FIG4: variants seen among roughly 807,000 people sequenced by gnomAD.
FIG4 encodes the protein polyphosphoinositide phosphatase.
Under a neutral mutation model 118.6 loss-of-function variants are expected in FIG4, and 112 were observed. The ratio of observed to expected loss-of-function variants is 0.94; its 90% confidence interval spans 0.81 to 1.11. The LOEUF (loss-of-function observed/expected upper bound fraction) is 1.11, where lower values mean the gene tolerates loss of function less well. Among genes scored for constraint, FIG4 ranks in the 50% least tolerant of loss-of-function variants. The pLI is 0.00. For missense variants in FIG4, 969 were observed against 1,111.7 expected (o/e 0.87, Z 1.83); for synonymous variants, 369 against 381.2 (o/e 0.97, Z 0.37).
chr6:109,796,620 CT>C (rs1778294229), intron 21 of FIG4, 144 bp from the exon 22 acceptor site: 1 of 694,100 alleles, frequency 1.4e-6, no homozygotes, highest in South Asian at 1.6e-5. Flanking sequence ...CAGGCAAAGT[CT>C]TATGTTACAT....
intron 22 of FIG4, among the ~76,000 whole-genome samples, chr6:109,819,700 C>A (rs1055018219): frequency 9.9e-5 from 15 of 152,098 alleles, no homozygotes; most frequent in Non-Finnish European, 2.9e-5. Flanking sequence ...AACTCCTGAC[C>A]TCAGGTGATC....
At chr6:109,707,657 C>T (rs920425686) in intron 1 of FIG4, among the ~76,000 whole-genome samples, 7 of 151,826 alleles carry the variant, frequency 4.6e-5, no homozygotes, top group South Asian at 2.1e-4. Flanking sequence ...ATCTTTCCTG[C>T]GCTGATTTCC....
chr6:109,815,496 C>CCT (rs1778836592), intron 22 of FIG4, among the ~76,000 whole-genome samples: 1 of 106,490 alleles, frequency 9.4e-6, no homozygotes. Context: ...CTCCAGGCTG[C>CCT]CCCCCCCACC....
intron 10 of FIG4, among the ~76,000 whole-genome samples, chr6:109,755,942 C>T (rs534586363): frequency 2.2e-4 from 34 of 152,168 alleles, no homozygotes; most frequent in African/African-American, 4.8e-4. Flanking sequence ...TTACATTTAA[C>T]GTTAATATTG....
intron 22 of FIG4, among the ~76,000 whole-genome samples, chr6:109,807,528 T>C (rs144509668): frequency 0.052 from 7,966 of 152,276 alleles, 381 homozygotes; most frequent in East Asian, 0.17. Context: ...GATGGATAGA[T>C]TGCAAAACTT....
chr6:109,766,048 AC>A (rs1393385676), intron 14 of FIG4, among the ~76,000 whole-genome samples: 1 of 152,104 alleles, frequency 6.6e-6, no homozygotes, highest in Admixed American at 6.6e-5. Context: ...TGAAACCCTA[AC>A]CCCCAAATGG....
At chr6:109,820,474 C>T (rs538710129) in intron 22 of FIG4, among the ~76,000 whole-genome samples, 6 of 152,210 alleles carry the variant, frequency 3.9e-5, no homozygotes, top group South Asian at 2.1e-4. Flanking sequence ...TATGCGTTGT[C>T]TCTGAAGGGA....
Position 109,743,680 on chromosome 6 carries a change from C to G in FIG4, c.1045C>G (p.Gln349Glu). Residue 349 changes from glutamine (Q) to glutamate (E), a missense_variant, in exon 10 of 23, where the codon CAG (glutamine) becomes GAG (glutamate). Coordinates refer to ENST00000230124, the MANE Select transcript of FIG4 (RefSeq NM_014845.6). Reference protein sequence around the residue: ...MMPKPPITLDQADPFAHVAAL... With the variant: ...MMPKPPITLDEADPFAHVAAL... ...TCATCTTTTTTCCTTCTCAGTGGAT[C>G]AGGCAGATCCATTTGCACATGTGGC... 6.2e-7 allele frequency: 1 copy of G among 1,611,078 alleles called. No homozygotes were observed. The highest frequency in any genetic ancestry group is 8.5e-7 in the Non-Finnish European group (1 of 1,177,912).
Position 109,716,530 on chromosome 6 carries a change from C to T in FIG4, c.251C>T (p.Ser84Leu), listed in dbSNP as rs768384237. ...NRTKMGQKGSSGLFRAVSAFG... is the reference protein window; with the variant it reads ...NRTKMGQKGSLGLFRAVSAFG... The stretch of plus-strand genomic sequence containing the variant: ...ACAAAGATGGGACAGAAAGGATCCT[C>T]GGGCTTATTTCGAGCGGTTTCAGCT... Residue 84 changes from serine to leucine, a missense_variant, in exon 3 of 23, where the codon TCG becomes TTG. Around this residue, in one of 3 missense-constraint regions of FIG4, gnomAD observed 393 missense variants for 409.4 expected, o/e 0.96. Coordinates refer to ENST00000230124, the MANE Select transcript of FIG4 (RefSeq NM_014845.6). The T allele has an allele frequency of 2.9e-5, 46 of 1,613,810 alleles. No individual in the cohort carries two copies. The highest frequency in any genetic ancestry group is 3.6e-5 in the Non-Finnish European group (43 of 1,179,886).
chr6:109,792,597 A>G lies in FIG4; in HGVS notation c.2392A>G (p.Met798Val). Residue 798 changes from methionine to valine, a missense_variant, in exon 21 of 23, where the codon ATG becomes GTG. Met to Val is a conservative substitution (Grantham distance 21, BLOSUM62 1). This residue lies in a region of FIG4 where 330 missense variants were observed against 348.1 expected (regional missense o/e 0.95). Coordinates refer to ENST00000230124, the MANE Select transcript of FIG4 (RefSeq NM_014845.6). ...AKVTENVVQP[M>V]KELYGINLSD... is the part of the protein sequence containing the mutation. ...TAAACCCCAGAATGTGGTCCAACCCATGAAGGAGCTATATGGAATTAACCT... is the reference window on the plus strand; with the variant it reads ...TAAACCCCAGAATGTGGTCCAACCCGTGAAGGAGCTATATGGAATTAACCT... The G allele has an allele frequency of 1.2e-6, 2 of 1,602,320 alleles. No individual in the cohort carries two copies. Among genetic ancestry groups the G allele is most frequent in the African/African-American group, 1.3e-5 (1 of 74,698 alleles).
chr6:109,702,129 G>A (rs1774927359), intron 1 of FIG4, among the ~76,000 whole-genome samples: 1 of 152,120 alleles, frequency 6.6e-6, no homozygotes, highest in Admixed American at 6.5e-5. Flanking sequence ...TGAAAGTTCA[G>A]GTGAAGTTTA....
intron 10 of FIG4, among the ~76,000 whole-genome samples, chr6:109,752,539 T>C (rs1776741869): frequency 6.6e-6 from 1 of 152,158 alleles, no homozygotes; most frequent in Non-Finnish European, 1.5e-5. Context: ...TTCTAACTGG[T>C]GTGAGATGGT....
At chr6:109,824,228 G>A (rs1028464598) in intron 22 of FIG4, among the ~76,000 whole-genome samples, 4 of 152,204 alleles carry the variant, frequency 2.6e-5, no homozygotes, top group Non-Finnish European at 4.4e-5. Context: ...CAAATTACCC[G>A]AGAAAGGAAG....
chr6:109,704,025 A>G (rs558243798), intron 1 of FIG4, among the ~76,000 whole-genome samples: 1 of 152,054 alleles, frequency 6.6e-6, no homozygotes, highest in Non-Finnish European at 1.5e-5. Context: ...ATACATGCTG[A>G]TGGCACCCAC....
chr6:109,775,735 C>T (rs1333621226), intron 15 of FIG4, among the ~76,000 whole-genome samples: 2 of 152,014 alleles, frequency 1.3e-5, no homozygotes, highest in Admixed American at 6.6e-5. Flanking sequence ...TAAACATGTC[C>T]CTTTTTATAT....
intron 3 of FIG4, among the ~76,000 whole-genome samples, chr6:109,724,273 C>T (rs528916920): frequency 2.0e-5 from 3 of 152,098 alleles, no homozygotes; most frequent in Non-Finnish European, 4.4e-5. Flanking sequence ...CCACTCCTCT[C>T]CCCCCTGGGA....
Position 109,795,095 on chromosome 6 carries a change from G to GTTTTTTTTTT in FIG4, c.2460-1639_2460-1630dup, listed in dbSNP as rs571649446. Reference sequence around the variant, plus strand: ...TCCTCAAAGCTTCATACACTTGCCAGTTTTTTTTTTTTTTTTTTTTTTTTT... The same window carrying GTTTTTTTTTT: ...TCCTCAAAGCTTCATACACTTGCCAGTTTTTTTTTTTTTTTTTTTTTTTTTTTTTTTTTTT... On this transcript the variant is annotated intron_variant, in intron 21 of 22. Transcript: ENST00000230124. Among the ~76,000 whole-genome samples, 141 of 57,250 alleles carry GTTTTTTTTTT rather than the reference G, an allele frequency of 2.5e-3. 53 individuals are homozygous for GTTTTTTTTTT. The highest frequency in any genetic ancestry group is 4.1e-3 in the Non-Finnish European group (117 of 28,708). The allele number at this position is 57,250 out of a possible 152,430, so 37.6% of individuals were successfully genotyped here. A position where few individuals can be genotyped will look rare whatever the true frequency, so the allele number is the denominator to read the frequency against.
chr6:109,766,536 A>G (rs532296846), intron 14 of FIG4, among the ~76,000 whole-genome samples, 193 bp from the exon 15 acceptor site: 4 of 152,240 alleles, frequency 2.6e-5, no homozygotes, highest in East Asian at 3.9e-4. Context: ...AGTGTTTTCT[A>G]TGGCTTTGGT....
Position 109,743,229 on chromosome 6 carries a change from G to T in FIG4, c.996G>T (p.Trp332Cys). The T allele has an allele frequency of 6.2e-7, 1 of 1,612,938 alleles. No individual in the cohort carries two copies. Among genetic ancestry groups the T allele is most frequent in the South Asian group, 1.1e-5 (1 of 91,068 alleles). The change falls in exon 9 of 23, where the codon TGG (tryptophan) becomes TGT (cysteine). Residue 332 changes from tryptophan to cysteine, a missense_variant. This residue lies in a region of FIG4 where 393 missense variants were observed against 409.4 expected (regional missense o/e 0.96). Coordinates refer to ENST00000230124, the MANE Select transcript of FIG4 (RefSeq NM_014845.6). ...VQVRGSVPLY[W>C]SQDISTMMPK... ...TTAGAGGATCTGTGCCCTTATACTG[G>T]TCTCAGGACATTTCAACTATGATGC... is the stretch of plus-strand genomic sequence containing the variant.
Sources: allele counts gnomAD v4.1 joint callset (sites outside exome capture counted in the v4.1 genomes callset), GRCh38; gene constraint gnomAD v4.1.1; regional missense constraint gnomAD v4.1.1; transcripts MANE v1.5; gene names NCBI Gene and HGNC (gene_info 2026-07-23, HGNC 2026-07-21).